GPC5: variants seen among roughly 807,000 people sequenced by gnomAD.
GPC5 encodes the protein glypican 5.
A neutral mutation model predicts 53.9 loss-of-function variants in GPC5; 47 were observed. That is an observed-to-expected ratio of 0.87 (90% CI 0.69 to 1.11). GPC5 has a LOEUF of 1.11. Among genes scored for constraint, GPC5 ranks in the 50% most tolerant of loss-of-function variants. GPC5 has a pLI of 0.00. For missense variants in GPC5, 748 were observed against 713.1 expected (o/e 1.05, Z -0.56); for synonymous variants, 286 against 263.3 (o/e 1.09, Z -0.84).
At chr13:92,443,108 C>T (rs1170390294) in intron 7 of GPC5, among the ~76,000 whole-genome samples, 2 of 152,080 alleles carry the variant, frequency 1.3e-5, no homozygotes, top group African/African-American at 4.8e-5. Flanking sequence ...AGCTTATAAT[C>T]ATGATGGAAG....
chr13:92,768,297 G>C (rs1253009703), intron 7 of GPC5, among the ~76,000 whole-genome samples: 1 of 152,102 alleles, frequency 6.6e-6, no homozygotes, highest in Non-Finnish European at 1.5e-5. Flanking sequence ...AGTTCAAAAT[G>C]AATTACTTTA....
chr13:92,716,652 ATATTT>A (rs1208786637), intron 7 of GPC5, among the ~76,000 whole-genome samples: 1 of 152,140 alleles, frequency 6.6e-6, no homozygotes, highest in Non-Finnish European at 1.5e-5. Context: ...TGTATGGCTA[ATATTT>A]TATTTTAAAA....
At chr13:92,669,822 T>A (rs1242982101) in intron 7 of GPC5, among the ~76,000 whole-genome samples, 1 of 152,080 alleles carries the variant, frequency 6.6e-6, no homozygotes, top group Non-Finnish European at 1.5e-5. Flanking sequence ...TCAGGAGTCC[T>A]CTCCATTCTA....
chr13:92,743,828 A>C (rs1004390746), intron 7 of GPC5, among the ~76,000 whole-genome samples: 3 of 152,164 alleles, frequency 2.0e-5, no homozygotes, highest in Middle Eastern at 3.2e-3. Flanking sequence ...CCTTTTCTGC[A>C]TCTATCGAGA....
intron 2 of GPC5, among the ~76,000 whole-genome samples, chr13:91,615,307 C>T (rs1195455128): frequency 6.6e-6 from 1 of 152,120 alleles, no homozygotes; most frequent in African/African-American, 2.4e-5. Context: ...TCCCACATGT[C>T]CACATACTAG....
At chr13:91,586,343 G>A (rs2032566965) in intron 2 of GPC5, among the ~76,000 whole-genome samples, 1 of 147,710 alleles carries the variant, frequency 6.8e-6, no homozygotes, top group South Asian at 2.2e-4. Context: ...TTAAGGACAA[G>A]GGTATTAGTC....
At chr13:91,786,810 C>A (rs1332165454) in intron 5 of GPC5, among the ~76,000 whole-genome samples, 1 of 152,094 alleles carries the variant, frequency 6.6e-6, no homozygotes, top group East Asian at 1.9e-4. Flanking sequence ...GATCTCTTAA[C>A]AATATTGTAT....
intron 7 of GPC5, among the ~76,000 whole-genome samples, chr13:92,212,754 C>T (rs764421260): frequency 2.0e-5 from 3 of 152,158 alleles, no homozygotes; most frequent in Non-Finnish European, 4.4e-5. Context: ...CAGCAGTGAC[C>T]CTAGTTCTTC....
At chr13:92,838,806 A>G (rs1045249489) in intron 7 of GPC5, among the ~76,000 whole-genome samples, 1 of 152,200 alleles carries the variant, frequency 6.6e-6, no homozygotes, top group African/African-American at 2.4e-5. Flanking sequence ...ACTAAAAATA[A>G]AGTATCTACA....
intron 6 of GPC5, among the ~76,000 whole-genome samples, chr13:91,932,223 C>T (rs1482082735): frequency 1.3e-5 from 2 of 151,964 alleles, no homozygotes; most frequent in Admixed American, 6.6e-5. Context: ...AGAATGTGTC[C>T]CTTTTTGACA....
intron 7 of GPC5, among the ~76,000 whole-genome samples, chr13:92,759,661 A>G (rs1397616033): frequency 6.6e-6 from 1 of 152,070 alleles, no homozygotes; most frequent in African/African-American, 2.4e-5. Flanking sequence ...ATCTGCAAAT[A>G]CAGATACTTT....
In GPC5 at chr13:92,144,877, G is replaced by T. The variant is rs776473093; in HGVS notation, c.1449G>T (p.Gln483His). The change falls in exon 7 of 8, where the codon CAG becomes CAT. Residue 483 changes from glutamine (Q) to histidine (H), a missense_variant. Physicochemically the swap from Gln to His is conservative, Grantham distance 24. Transcript: ENST00000377067. ...AACCTGACAAGTGGGAACTTCTTCA[G>T]CTGGGCAGTGGTGGAGGCATGGTTG... is the stretch of plus-strand genomic sequence containing the variant. The part of the protein sequence containing the change: ...SPKPDKWELL[Q>H]LGSGGGMVEQ... 1.9e-6 allele frequency: 3 copies of T among 1,611,822 alleles called. No homozygotes were observed. The Admixed American group carries it at 5.0e-5, about 27-fold the overall frequency.
intron 4 of GPC5, among the ~76,000 whole-genome samples, chr13:91,740,522 C>G (rs988576371): frequency 1.3e-5 from 2 of 152,060 alleles, no homozygotes; most frequent in Admixed American, 6.6e-5. Flanking sequence ...GAGTTGGATT[C>G]TTTTATTTTG....
chr13:92,166,945 C>CTCTCTCTCTA (rs1555315967), intron 7 of GPC5, among the ~76,000 whole-genome samples: 708 of 67,680 alleles, frequency 0.01, 9 homozygotes, highest in Admixed American at 0.09. Flanking sequence ...CTCTCTCTCT[C>CTCTCTCTCTA]TCTCTCTCTC....
chr13:92,110,974 G>A (rs957054819), intron 6 of GPC5, among the ~76,000 whole-genome samples: 6 of 152,106 alleles, frequency 3.9e-5, no homozygotes, highest in African/African-American at 1.4e-4. Flanking sequence ...GTTGCATGTT[G>A]GGTACTGGAC....
chr13:92,446,820 C>T (rs1877846855), intron 7 of GPC5: 1 of 152,102 alleles, frequency 6.6e-6, no homozygotes, highest in Non-Finnish European at 1.5e-5. Context: ...GGATACAAGC[C>T]ATTTTAACTG....
intron 5 of GPC5, among the ~76,000 whole-genome samples, chr13:91,797,517 A>G (rs888120994): frequency 2.0e-5 from 3 of 152,214 alleles, no homozygotes; most frequent in Non-Finnish European, 4.4e-5. Context: ...CCTGATCTTT[A>G]GGATTTTCTT....
chr13:92,338,426 A>G (rs758227090), intron 7 of GPC5, among the ~76,000 whole-genome samples: 2 of 152,098 alleles, frequency 1.3e-5, no homozygotes, highest in African/African-American at 2.4e-5. Context: ...CAGTACCCAA[A>G]TGAATTCACA....
At chr13:92,023,052 A>C (rs2040771873) in intron 6 of GPC5, among the ~76,000 whole-genome samples, 1 of 152,062 alleles carries the variant, frequency 6.6e-6, no homozygotes, top group Non-Finnish European at 1.5e-5. Flanking sequence ...ACTTACTTTA[A>C]ACTCTCTCAG....
Sources: gnomAD v4.1 joint callset for allele counts (sites outside exome capture counted in the v4.1 genomes callset) on GRCh38, gnomAD v4.1.1 for gene constraint, MANE v1.5 for transcripts, NCBI Gene and HGNC (gene_info 2026-07-23, HGNC 2026-07-21) for gene names.